EPHB1: variants seen among roughly 807,000 people sequenced by gnomAD.
EPHB1 encodes the protein EPH receptor B1.
A neutral mutation model predicts 94.4 loss-of-function variants in EPHB1; 30 were observed. The ratio of observed to expected loss-of-function variants is 0.32; its 90% CI spans 0.24 to 0.43. EPHB1 has a LOEUF of 0.43. Among genes scored for constraint, EPHB1 ranks in the 20% least tolerant of loss-of-function variants. The pLI is 1.00. For missense variants in EPHB1, 1,055 were observed against 1,308.3 expected, an observed-to-expected ratio of 0.81 and a Z score of 2.99; for synonymous variants, 522 against 489.1, an observed-to-expected ratio of 1.07 and a Z score of -0.89.
chr3:135,174,452 T>C (rs1941915715), intron 9 of EPHB1, among the ~76,000 whole-genome samples: 2 of 152,234 alleles, frequency 1.3e-5, no homozygotes, highest in Non-Finnish European at 2.9e-5. Context: ...TTCAGGATTC[T>C]GACCCTGAAG....
At chr3:134,828,477 A>C (rs2036525812) in intron 1 of EPHB1, among the ~76,000 whole-genome samples, 1 of 152,146 alleles carries the variant, frequency 6.6e-6, no homozygotes, top group African/African-American at 2.4e-5. Flanking sequence ...ACACTTGAAA[A>C]ATATGTGTTA....
chr3:134,871,548 C>A (rs564583803), intron 1 of EPHB1, among the ~76,000 whole-genome samples: 1 of 152,068 alleles, frequency 6.6e-6, no homozygotes, highest in Non-Finnish European at 1.5e-5. Context: ...ATAATAATGA[C>A]CATATTCATT....
At chr3:134,873,832 A>T (rs1458524659) in intron 1 of EPHB1, among the ~76,000 whole-genome samples, 3 of 152,206 alleles carry the variant, frequency 2.0e-5, no homozygotes, top group Admixed American at 6.5e-5. Context: ...AATAAATGTG[A>T]ACAAGACGTG....
At chr3:135,043,666 A>G (rs1271566304) in intron 3 of EPHB1, among the ~76,000 whole-genome samples, 1 of 152,210 alleles carries the variant, frequency 6.6e-6, no homozygotes, top group Non-Finnish European at 1.5e-5. Context: ...CTCCCTCCAC[A>G]TAAGGTCCGG....
intron 11 of EPHB1, among the ~76,000 whole-genome samples, chr3:135,196,525 T>A (rs1449283571): frequency 1.3e-5 from 2 of 152,188 alleles, no homozygotes; most frequent in African/African-American, 4.8e-5. Context: ...AATCTATAAA[T>A]CTAATTTCAG....
intron 3 of EPHB1, among the ~76,000 whole-genome samples, chr3:134,963,925 C>A (rs569828814): frequency 3.3e-5 from 5 of 152,292 alleles, no homozygotes; most frequent in African/African-American, 1.2e-4. Context: ...ATGGAGTGAT[C>A]ATATTCACCA....
chr3:134,929,857 C>A (rs148475984), intron 2 of EPHB1, among the ~76,000 whole-genome samples: 62 of 152,290 alleles, frequency 4.1e-4, no homozygotes, highest in Non-Finnish European at 7.4e-4. Flanking sequence ...AGCCAGGAGG[C>A]TTGGGAGAGC....
In EPHB1 at chr3:135,192,685, C is replaced by A. The variant is rs771302924; in HGVS notation, c.1992C>A (p.Asp664Glu). The change falls in exon 11 of 16, where the codon GAC becomes GAA. Residue 664 changes from aspartate (D) to glutamate (E), a missense_variant. Physicochemically the swap from Asp to Glu is conservative, Grantham distance 45 (BLOSUM62 2). Coordinates refer to ENST00000398015, the MANE Select transcript of EPHB1 (RefSeq NM_004441.5). Reference sequence around the variant, plus strand: ...GGTACTCGGAGAAGCAGCGTCGGGACTTTCTGAGTGAGGCGAGCATCATGG... The same window carrying A: ...GGTACTCGGAGAAGCAGCGTCGGGAATTTCTGAGTGAGGCGAGCATCATGG... ...KAGYSEKQRR[D>E]FLSEASIMGQ... 4.3e-6 allele frequency: 7 copies of A among 1,614,058 alleles called. No homozygotes were observed. Among genetic ancestry groups the A allele is most frequent in the Non-Finnish European group, 5.9e-6 (7 of 1,180,048 alleles).
chr3:134,856,963 G>C (rs2037134878), intron 1 of EPHB1, among the ~76,000 whole-genome samples: 1 of 152,252 alleles, frequency 6.6e-6, no homozygotes, highest in Admixed American at 6.5e-5. Flanking sequence ...TGAACTGTGT[G>C]AATCTGTATT....
chr3:134,795,789 C>T, intron 1 of EPHB1, 100 bp downstream of exon 1: 2 of 1,329,596 alleles, frequency 1.5e-6, no homozygotes, highest in Non-Finnish European at 2.1e-6. Context: ...CTTTGCGGTG[C>T]AGGCATCCCG....
rs1481979119 is a variant in EPHB1, at chr3:135,192,592, G to A, written c.1899G>A (p.Val633=). 2.5e-6 allele frequency: 4 copies of A among 1,613,746 alleles called. No homozygotes were observed. The highest frequency in any genetic ancestry group is 2.2e-5 in the East Asian group (1 of 44,872). Residue 633 remains valine (V), a synonymous_variant, in exon 11 of 16, where the codon GTG becomes GTA. Transcript: ENST00000398015. ...EVIGAGEFGE[V]YKGRLKLPGK... is the part of the protein sequence containing the mutation. ...CTGTTGCAGGGGAGTTTGGAGAAGT[G>A]TACAAGGGGCGTTTGAAACTGCCAG...
In EPHB1 at chr3:135,248,326, C is replaced by T. The variant is rs1243043265; in HGVS notation, c.2507C>T (p.Ala836Val). The change falls in exon 14 of 16, where the codon GCC becomes GTC. Residue 836 changes from alanine (A) to valine (V), a missense_variant. Coordinates refer to ENST00000398015, the MANE Select transcript of EPHB1 (RefSeq NM_004441.5). Reference sequence around the variant, plus strand: ...TGTATGTCACTGCAGGTCATCAATGCCATCGAGCAGGACTACCGGCTGCCC... The same window carrying T: ...TGTATGTCACTGCAGGTCATCAATGTCATCGAGCAGGACTACCGGCTGCCC... Reference protein sequence around the residue: ...WDMSNQDVINAIEQDYRLPPP... With the variant: ...WDMSNQDVINVIEQDYRLPPP... 6.3e-7 allele frequency: 1 copy of T among 1,585,160 alleles called. No homozygotes were observed. The highest frequency in any genetic ancestry group is 8.6e-7 in the Non-Finnish European group (1 of 1,159,180).
chr3:135,025,154 C>T (rs1260890933), intron 3 of EPHB1, among the ~76,000 whole-genome samples: 1 of 84,078 alleles, frequency 1.2e-5, no homozygotes. Flanking sequence ...TCCTTCCCTC[C>T]TTCCTTCTTT....
chr3:134,975,748 A>G (rs1934162842), intron 3 of EPHB1, among the ~76,000 whole-genome samples: 1 of 147,706 alleles, frequency 6.8e-6, no homozygotes, highest in Non-Finnish European at 1.5e-5. Flanking sequence ...AACTATTCGT[A>G]AGGATAGAAT....
rs2035812984 is a variant in EPHB1 at position 134,795,800 on chromosome 3, G to A, written c.58+111G>A. The stretch of plus-strand genomic sequence containing the variant: ...GCTGCTTTGCGGTGCAGGCATCCCG[G>A]GACCCGAGGGCAAGGAGGTTTGGGA... On this transcript the variant is annotated intron_variant, in intron 1 of 15. Coordinates refer to ENST00000398015, the MANE Select transcript of EPHB1 (RefSeq NM_004441.5). The A allele has an allele frequency of 4.1e-6, 5 of 1,211,604 alleles. No individual in the cohort carries two copies. In the East Asian group the frequency reaches 1.1e-4, roughly 25 times the overall value. The allele number at this position is 1,211,604 out of a possible 1,614,324, so 75.1% of individuals were successfully genotyped here.
At chr3:135,228,396 C>T (rs1437707119) in intron 12 of EPHB1, among the ~76,000 whole-genome samples, 1 of 152,018 alleles carries the variant, frequency 6.6e-6, no homozygotes, top group Non-Finnish European at 1.5e-5. Flanking sequence ...TTTGCCTGTC[C>T]TTTGTGTGAT....
chr3:134,799,487 G>A (rs2035894720), intron 1 of EPHB1, among the ~76,000 whole-genome samples: 1 of 152,240 alleles, frequency 6.6e-6, no homozygotes, highest in Non-Finnish European at 1.5e-5. Context: ...TTGTGGAGCT[G>A]CCTCCTCAAG....
chr3:135,223,908 A>C (rs1943331365), intron 12 of EPHB1, among the ~76,000 whole-genome samples: 1 of 152,270 alleles, frequency 6.6e-6, no homozygotes, highest in Non-Finnish European at 1.5e-5. Flanking sequence ...TATTGCATTT[A>C]GTTGTCATGT....
intron 9 of EPHB1, among the ~76,000 whole-genome samples, chr3:135,167,870 A>G (rs1404284429): frequency 2.0e-5 from 3 of 152,160 alleles, no homozygotes; most frequent in African/African-American, 7.2e-5. Flanking sequence ...TTGCAAAGTA[A>G]GGCTGGTGCT....
Sources: gnomAD v4.1 joint callset for allele counts (sites outside exome capture counted in the v4.1 genomes callset) on GRCh38, gnomAD v4.1.1 for gene constraint, MANE v1.5 for transcripts, NCBI Gene and HGNC (gene_info 2026-07-23, HGNC 2026-07-21) for gene names.